The following MDGA2 variants were observed in gnomAD, a reference collection of about 807,000 sequenced individuals.
The protein encoded by MDGA2 is MAM domain-containing glycosylphosphatidylinositol anchor protein 2.
In MDGA2, 40 loss-of-function variants were observed where a neutral mutation model predicts 117.8. The observed-to-expected ratio is 0.34, with a 90% confidence interval of 0.26 to 0.44. The LOEUF is 0.44. MDGA2 is among the 20% of genes least tolerant of loss of function. MDGA2 has a pLI of 1.00. For missense variants in MDGA2, 1,123 were observed against 1,250.6 expected (o/e 0.90, Z 1.54); for synonymous variants, 452 against 439.0 (o/e 1.03, Z -0.37).
chr14:47,523,245 C>T (rs1025022032), intron 1 of MDGA2, among the ~76,000 whole-genome samples: 12 of 152,010 alleles, frequency 7.9e-5, no homozygotes, highest in African/African-American at 2.4e-4. Flanking sequence ...ACAAAACACC[C>T]GGTAAGTACA....
At chr14:47,652,351 A>T (rs1256113256) in intron 1 of MDGA2, among the ~76,000 whole-genome samples, 4 of 152,204 alleles carry the variant, frequency 2.6e-5, no homozygotes, top group Non-Finnish European at 5.9e-5. Flanking sequence ...AAAGTTTTAT[A>T]TAGACATTAT....
At position 47,361,215 on chromosome 14, in the gene MDGA2, A is replaced by C. The variant is rs538172789; in HGVS notation, c.281-59665T>G. On this transcript the variant is annotated intron_variant, in intron 1 of 16. Coordinates refer to ENST00000399232, the MANE Select transcript of MDGA2 (RefSeq NM_001113498.3). Reference sequence around the variant, plus strand: ...TCTCTCTCTCTCTCTCTCTATATATATATATATATATATGGCAGTAGTAAT... The same window carrying C: ...TCTCTCTCTCTCTCTCTCTATATATCTATATATATATATGGCAGTAGTAAT... Among the ~76,000 whole-genome samples, 854 of 141,492 alleles carry C rather than the reference A, an allele frequency of 6.0e-3. 5 individuals carry two copies. Among genetic ancestry groups the C allele is most frequent in the African/African-American group, 0.018 (669 of 38,078 alleles). 92.8% of individuals were successfully genotyped at this position (141,492 alleles called of 152,430 possible).
chr14:47,617,358 C>T (rs959373688), intron 1 of MDGA2, among the ~76,000 whole-genome samples: 2 of 152,066 alleles, frequency 1.3e-5, no homozygotes, highest in Admixed American at 6.5e-5. Context: ...GTGCCCACCA[C>T]CACACCTGGC....
intron 2 of MDGA2, among the ~76,000 whole-genome samples, chr14:47,259,644 CACTAT>C (rs1247608880): frequency 1.3e-5 from 2 of 151,992 alleles, no homozygotes; most frequent in Admixed American, 1.3e-4. Flanking sequence ...ACACATGTAG[CACTAT>C]ACTAGATGTG....
chr14:47,556,001 C>G (rs772284653), intron 1 of MDGA2, among the ~76,000 whole-genome samples: 2 of 152,162 alleles, frequency 1.3e-5, no homozygotes, highest in Non-Finnish European at 1.5e-5. Flanking sequence ...TTTGACATTT[C>G]TGAATTTAGG....
chr14:47,310,322 C>T (rs1354377919), intron 1 of MDGA2, among the ~76,000 whole-genome samples: 1 of 152,090 alleles, frequency 6.6e-6, no homozygotes, highest in Non-Finnish European at 1.5e-5. Context: ...CAGAGAAGAA[C>T]CATGGGCCAT....
intron 1 of MDGA2, among the ~76,000 whole-genome samples, chr14:47,649,563 T>C (rs1897598907): frequency 1.3e-5 from 2 of 152,138 alleles, no homozygotes; most frequent in African/African-American, 2.4e-5. Flanking sequence ...CACGTGCCTG[T>C]AATTCCAGCT....
chr14:47,030,497 A>C (rs964214963), intron 8 of MDGA2, among the ~76,000 whole-genome samples: 7 of 152,066 alleles, frequency 4.6e-5, no homozygotes, highest in Non-Finnish European at 1.5e-5. Context: ...CTGGGCAACA[A>C]GAATGAAACT....
chr14:47,015,239 GATATA>G (rs1231717026), intron 8 of MDGA2, among the ~76,000 whole-genome samples: 2 of 150,650 alleles, frequency 1.3e-5, no homozygotes, highest in Non-Finnish European at 2.9e-5. Flanking sequence ...CACCATTACA[GATATA>G]ATAATAATAA....
At chr14:47,159,505 G>T (rs1424612294) in intron 3 of MDGA2, among the ~76,000 whole-genome samples, 1 of 152,114 alleles carries the variant, frequency 6.6e-6, no homozygotes, top group African/African-American at 2.4e-5. Context: ...ATTCTTGTAA[G>T]GAACCTGGTT....
At chr14:47,667,563 A>C (rs149134160) in intron 1 of MDGA2, among the ~76,000 whole-genome samples, 1 of 152,188 alleles carries the variant, frequency 6.6e-6, no homozygotes, top group Non-Finnish European at 1.5e-5. Flanking sequence ...GATGCACTAC[A>C]ACAAAGTTCT....
At chr14:46,944,515 A>T (rs990379068) in intron 9 of MDGA2, among the ~76,000 whole-genome samples, 1 of 151,844 alleles carries the variant, frequency 6.6e-6, no homozygotes, top group Non-Finnish European at 1.5e-5. Context: ...ATTTGTGGAA[A>T]ATTTCAGCCA....
At chr14:47,465,291 G>T (rs192679792) in intron 1 of MDGA2, among the ~76,000 whole-genome samples, 70 of 152,132 alleles carry the variant, frequency 4.6e-4, no homozygotes, top group Non-Finnish European at 4.7e-4. Context: ...TCATGACAAA[G>T]ATACCAAAAG....
At chr14:47,359,943 A>G (rs1009345347) in intron 1 of MDGA2, among the ~76,000 whole-genome samples, 1 of 152,136 alleles carries the variant, frequency 6.6e-6, no homozygotes, top group Non-Finnish European at 1.5e-5. Context: ...CTCAACTTAT[A>G]GATTAAGAAA....
chr14:47,255,662 G>T (rs1379006283), intron 2 of MDGA2, among the ~76,000 whole-genome samples: 1 of 151,812 alleles, frequency 6.6e-6, no homozygotes. Context: ...TCTTTGCCTT[G>T]TTACTTAAAA....
chr14:47,638,743 T>C (rs2138240268), intron 1 of MDGA2, among the ~76,000 whole-genome samples: 1 of 152,174 alleles, frequency 6.6e-6, no homozygotes, highest in East Asian at 1.9e-4. Flanking sequence ...GCCTCTCTCA[T>C]ACAGGTTTAA....
chr14:46,926,867 A>C (rs1382049184), intron 9 of MDGA2, among the ~76,000 whole-genome samples: 1 of 151,862 alleles, frequency 6.6e-6, no homozygotes, highest in Non-Finnish European at 1.5e-5. Context: ...TGCCTATATA[A>C]AAAAAAAGAT....
chr14:47,239,247 G>A (rs1886964416), intron 2 of MDGA2, among the ~76,000 whole-genome samples: 1 of 148,758 alleles, frequency 6.7e-6, no homozygotes. Context: ...GCTCTGATAA[G>A]TGCTAAATTA....
chr14:47,435,840 G>C (rs995916271), intron 1 of MDGA2, among the ~76,000 whole-genome samples: 7 of 152,064 alleles, frequency 4.6e-5, no homozygotes, highest in Non-Finnish European at 8.8e-5. Context: ...TCTGGGCTCA[G>C]CTCTCTCAAA....
Sources: gnomAD v4.1 joint callset for allele counts (sites outside exome capture counted in the v4.1 genomes callset) on GRCh38, gnomAD v4.1.1 for gene constraint, MANE v1.5 for transcripts, NCBI Gene and HGNC (gene_info 2026-07-23, HGNC 2026-07-21) for gene names.